The following COP1 variants were observed in gnomAD, a reference collection of about 807,000 sequenced individuals.
COP1 encodes E3 ubiquitin-protein ligase COP1.
COP1 carries 24 observed loss-of-function variants against 101.3 expected under a neutral mutation model. The observed-to-expected ratio is 0.24, with a 90% CI of 0.17 to 0.33. COP1 has a LOEUF of 0.33. Ranked by LOEUF, COP1 falls within the 10% of genes least tolerant of loss-of-function variation. The pLI is 1.00. For missense variants in COP1, 663 were observed against 906.2 expected, an observed-to-expected ratio of 0.73 and a Z score of 3.45; for synonymous variants, 347 against 341.9, an observed-to-expected ratio of 1.01 and a Z score of -0.17.
chr1:176,130,967 G>A (rs1688784264), intron 8 of COP1, among the ~76,000 whole-genome samples: 1 of 151,680 alleles, frequency 6.6e-6, no homozygotes, highest in East Asian at 1.9e-4. Context: ...TCTGAAAAAA[G>A]AATAGAAAGA....
chr1:176,021,092 CT>C (rs1362258644), intron 15 of COP1, among the ~76,000 whole-genome samples: 1 of 152,178 alleles, frequency 6.6e-6, no homozygotes, highest in East Asian at 1.9e-4. Context: ...AGCAATCCCC[CT>C]GCTTCAACCT....
At chr1:176,043,414 T>G (rs554568863) in intron 13 of COP1, 147 bp from the exon 14 acceptor site, 32 of 577,680 alleles carry the variant, frequency 5.5e-5, no homozygotes, top group Non-Finnish European at 8.8e-5. Flanking sequence ...GCAAATAAGA[T>G]GTTGATATAA....
In COP1 at chr1:175,957,530, T is replaced by C. The variant is rs140058414; in HGVS notation, c.2134-10291A>G. Among the ~76,000 whole-genome samples, 231 of 152,322 alleles carry C rather than the reference T, an allele frequency of 1.5e-3. 2 individuals are homozygous for C. The Middle Eastern group carries it at 0.031, about 20-fold the overall frequency. ...ACACTCTATGATGTTTGTGCAATGA[T>C]GAAATCAAATCACCTAATGGCATTT... On this transcript the variant is annotated intron_variant, in intron 18 of 19. Coordinates refer to ENST00000367669, the MANE Select transcript of COP1 (RefSeq NM_022457.7).
At position 176,084,860 on chromosome 1, in the gene COP1, T is replaced by TTC. The variant is rs397748055; in HGVS notation, c.1141+915_1141+916insGA. On this transcript the variant is annotated intron_variant, in intron 10 of 19. Coordinates refer to ENST00000367669, the MANE Select transcript of COP1 (RefSeq NM_022457.7). ...CAATAAAATACCAGACTTTTTTTTT[T>TTC]CCCCCTTGGTGGGGTTTATTTTAAG... Among the ~76,000 whole-genome samples the TTC allele has an allele frequency of 7.4e-3, 1,114 of 150,424 alleles. 11 individuals are homozygous for TTC. Among genetic ancestry groups the TTC allele is most frequent in the African/African-American group, 0.024 (986 of 41,238 alleles).
At chr1:176,033,793 G>GA (rs570109875) in intron 14 of COP1, among the ~76,000 whole-genome samples, 169 of 151,758 alleles carry the variant, frequency 1.1e-3, no homozygotes, top group Non-Finnish European at 2.2e-3. Context: ...TTTAAGCAAT[G>GA]AAAAAAATAG....
At chr1:176,155,665 T>A (rs935062741) in intron 5 of COP1, among the ~76,000 whole-genome samples, 8 of 151,878 alleles carry the variant, frequency 5.3e-5, no homozygotes, top group Admixed American at 3.3e-4. Context: ...TCTTGTTGCA[T>A]GAAACCCAAG....
chr1:175,973,459 T>C (rs575949318), intron 18 of COP1, among the ~76,000 whole-genome samples: 2 of 152,224 alleles, frequency 1.3e-5, no homozygotes, highest in African/African-American at 4.8e-5. Context: ...ATTCAGAAAA[T>C]GTTGAATTTT....
At chr1:175,964,642 T>TA (rs1482110792) in intron 18 of COP1, among the ~76,000 whole-genome samples, 7 of 152,212 alleles carry the variant, frequency 4.6e-5, no homozygotes, top group Non-Finnish European at 1.0e-4. Flanking sequence ...GTGTGCCCAC[T>TA]AAGTTTAAAT....
intron 15 of COP1, among the ~76,000 whole-genome samples, chr1:175,997,100 C>T (rs1008883551): frequency 6.6e-6 from 1 of 152,004 alleles, no homozygotes; most frequent in Admixed American, 6.6e-5. Context: ...TGCCGCGTAC[C>T]TACAACTATC....
chr1:176,206,847 C>T lies in COP1; in HGVS notation c.132G>A (p.Ala44=). Residue 44 remains alanine, a synonymous_variant, in exon 1 of 20, where the codon GCG becomes GCA. Coordinates refer to ENST00000367669, the MANE Select transcript of COP1 (RefSeq NM_022457.7). ...SPSPPSVAVS[A]AALVSGGVAQ... is the part of the protein sequence containing the mutation. ...CCACCCCGCCGGACACCAGCGCTGC[C>T]GCCGAAACCGCCACGGAAGGCGGCG... The T allele has an allele frequency of 7.0e-7, 1 of 1,429,952 alleles. No homozygotes were observed. The highest frequency in any genetic ancestry group is 9.1e-7 in the Non-Finnish European group (1 of 1,097,388). 88.6% of individuals were successfully genotyped at this position (1,429,952 alleles called of 1,614,324 possible). A position where few individuals can be genotyped will look rare whatever the true frequency, so the allele number is the denominator to read the frequency against.
At position 175,947,266 on chromosome 1, in the gene COP1, T is replaced by A. The variant is rs753153355; in HGVS notation, c.2134-27A>T. 7 of 1,549,696 alleles carry A rather than the reference T, an allele frequency of 4.5e-6. No homozygotes were observed. In the Admixed American group the frequency reaches 1.2e-4, roughly 26 times the overall value. On this transcript the variant is annotated intron_variant, in intron 18 of 19. Coordinates refer to ENST00000367669, the MANE Select transcript of COP1 (RefSeq NM_022457.7). Reference sequence around the variant, plus strand: ...TAGAAAAGAACAAGAGCTTTTAAAGTATAGAGAAGGATTTCCTGGAGAGCA... The same window carrying A: ...TAGAAAAGAACAAGAGCTTTTAAAGAATAGAGAAGGATTTCCTGGAGAGCA...
At chr1:175,991,121 T>C (rs1396563638) in intron 15 of COP1, among the ~76,000 whole-genome samples, 2 of 152,080 alleles carry the variant, frequency 1.3e-5, no homozygotes, top group Non-Finnish European at 2.9e-5. Context: ...GTAAGTACAA[T>C]AATACATACT....
chr1:176,172,806 T>A (rs981927348), intron 3 of COP1, among the ~76,000 whole-genome samples: 12 of 152,176 alleles, frequency 7.9e-5, no homozygotes, highest in Non-Finnish European at 1.5e-5. Context: ...TCAATGACAT[T>A]ACTCTGAGCC....
chr1:175,984,664 T>C (rs750639697), intron 18 of COP1, among the ~76,000 whole-genome samples: 13 of 152,136 alleles, frequency 8.5e-5, no homozygotes, highest in Non-Finnish European at 1.6e-4. Context: ...CCACAGACAA[T>C]GCCAGCTCGT....
intron 6 of COP1, among the ~76,000 whole-genome samples, chr1:176,148,311 TAC>T (rs1691892405): frequency 6.6e-6 from 1 of 152,038 alleles, no homozygotes; most frequent in Non-Finnish European, 1.5e-5. Context: ...ACAGACAATT[TAC>T]ACATTTTTAA....
Position 175,983,597 on chromosome 1 carries a change from A to T in COP1, c.2133+3346T>A, listed in dbSNP as rs532416868. Among the ~76,000 whole-genome samples the T allele has an allele frequency of 3.9e-5, 6 of 152,322 alleles. No homozygotes were observed. The South Asian group carries it at 1.0e-3, about 26-fold the overall frequency. ...GGGGTGCTGCTGAAAAGATACCCCA[A>T]AATGTGGAACTGACTTTGGAACTGG... On this transcript the variant is annotated intron_variant, in intron 18 of 19. Coordinates refer to ENST00000367669, the MANE Select transcript of COP1 (RefSeq NM_022457.7).
chr1:176,157,059 G>C (rs928667716), intron 5 of COP1, among the ~76,000 whole-genome samples: 3 of 151,924 alleles, frequency 2.0e-5, no homozygotes, highest in Admixed American at 6.6e-5. Context: ...TTAGCCGAGG[G>C]GGGTGGTGTG....
chr1:175,970,459 T>C (rs1170296325), intron 18 of COP1, among the ~76,000 whole-genome samples: 2 of 152,212 alleles, frequency 1.3e-5, no homozygotes, highest in African/African-American at 2.4e-5. Context: ...GATAGCATTA[T>C]ATTAGATTAT....
At chr1:176,040,528 T>G (rs975264187) in intron 14 of COP1, among the ~76,000 whole-genome samples, 39 of 152,256 alleles carry the variant, frequency 2.6e-4, no homozygotes, top group Admixed American at 2.1e-3. Flanking sequence ...CAGGCTGGTC[T>G]CAAACTTCTG....
Sources: gnomAD v4.1 joint callset for allele counts (sites outside exome capture counted in the v4.1 genomes callset) on GRCh38, gnomAD v4.1.1 for gene constraint, MANE v1.5 for transcripts, NCBI Gene and HGNC (gene_info 2026-07-23, HGNC 2026-07-21) for gene names.